FOXP1: variants seen among roughly 807,000 people sequenced by gnomAD.
FOXP1 encodes the protein forkhead box protein P1.
A neutral mutation model predicts 98.2 loss-of-function variants in FOXP1; 15 were observed. That is an observed-to-expected ratio of 0.15 (90% CI 0.10 to 0.24). FOXP1 has a LOEUF of 0.24. FOXP1 is among the 10% of genes least tolerant of loss of function. The probability of loss-of-function intolerance (pLI) is 1.00; values close to 1 mark genes in which losing one functional copy is unlikely to be tolerated. For missense variants in FOXP1, 633 were observed against 848.5 expected (o/e 0.75, Z 3.15); for synonymous variants, 371 against 314.5 (o/e 1.18, Z -1.90).
intron 3 of FOXP1, among the ~76,000 whole-genome samples, chr3:71,397,449 TTTGGA>T (rs1379725084): frequency 6.6e-6 from 1 of 152,236 alleles, no homozygotes; most frequent in African/African-American, 2.4e-5. Flanking sequence ...CCTGCGGTTC[TTTGGA>T]TTGTTCAACA....
At chr3:71,195,895 A>G (rs754331135) in intron 6 of FOXP1, among the ~76,000 whole-genome samples, 3 of 152,252 alleles carry the variant, frequency 2.0e-5, no homozygotes, top group Non-Finnish European at 2.9e-5. Flanking sequence ...AGTCTGGAAG[A>G]AAACTCTGAT....
intron 2 of FOXP1, among the ~76,000 whole-genome samples, chr3:71,518,123 T>C (rs1020597754): frequency 6.6e-6 from 1 of 150,488 alleles, no homozygotes; most frequent in African/African-American, 2.5e-5. Context: ...TTTGACAGTG[T>C]TTTTTTTTGT....
chr3:71,526,322 G>A (rs1233171280), intron 2 of FOXP1, among the ~76,000 whole-genome samples: 1 of 152,118 alleles, frequency 6.6e-6, no homozygotes, highest in African/African-American at 2.4e-5. Flanking sequence ...CCAGAGTTCA[G>A]GCCCAAATCT....
At chr3:71,207,971 G>A (rs1210421054) in intron 5 of FOXP1, among the ~76,000 whole-genome samples, 1 of 152,216 alleles carries the variant, frequency 6.6e-6, no homozygotes, top group East Asian at 1.9e-4. Context: ...CCACAGGTAA[G>A]AGTAAAAACA....
At chr3:71,003,403 T>G (rs1241222731) in intron 12 of FOXP1, among the ~76,000 whole-genome samples, 1 of 152,052 alleles carries the variant, frequency 6.6e-6, no homozygotes, top group East Asian at 1.9e-4. Context: ...AAACCCCTTT[T>G]GGATTCCCTA....
intron 7 of FOXP1, among the ~76,000 whole-genome samples, chr3:71,104,472 T>C (rs1207439276): frequency 6.6e-6 from 1 of 152,204 alleles, no homozygotes; most frequent in East Asian, 1.9e-4. Flanking sequence ...AACAGAACTT[T>C]TGAGTAATGA....
chr3:71,310,464 T>C (rs1354151571), intron 4 of FOXP1, among the ~76,000 whole-genome samples: 2 of 152,212 alleles, frequency 1.3e-5, no homozygotes, highest in Non-Finnish European at 2.9e-5. Flanking sequence ...AGGCAAACTC[T>C]ACTCTTTGCT....
chr3:71,248,567 C>T (rs1360488143), intron 5 of FOXP1, among the ~76,000 whole-genome samples: 1 of 151,992 alleles, frequency 6.6e-6, no homozygotes, highest in Non-Finnish European at 1.5e-5. Flanking sequence ...ATGGTGAAAC[C>T]CTGTCTCTAC....
At chr3:71,328,086 C>T (rs577187876) in intron 4 of FOXP1, among the ~76,000 whole-genome samples, 7 of 152,102 alleles carry the variant, frequency 4.6e-5, no homozygotes, top group South Asian at 2.1e-4. Flanking sequence ...GTTCAAGATA[C>T]GTGATAAGCT....
intron 3 of FOXP1, among the ~76,000 whole-genome samples, chr3:71,385,357 G>A (rs2080488738): frequency 6.6e-6 from 1 of 152,158 alleles, no homozygotes; most frequent in African/African-American, 2.4e-5. Context: ...TTCTGTGGAG[G>A]AATGCATTTT....
intron 11 of FOXP1, among the ~76,000 whole-genome samples, chr3:71,023,529 G>C (rs986433446): frequency 7.9e-5 from 12 of 152,186 alleles, no homozygotes; most frequent in African/African-American, 2.7e-4. Flanking sequence ...CTATTTTAAA[G>C]CTTTCAGATT....
At chr3:71,202,615 G>T (rs2063746042) in intron 5 of FOXP1, among the ~76,000 whole-genome samples, 1 of 152,164 alleles carries the variant, frequency 6.6e-6, no homozygotes, top group African/African-American at 2.4e-5. Flanking sequence ...TCGGTTAAGG[G>T]ATAGATGTAG....
intron 5 of FOXP1, among the ~76,000 whole-genome samples, chr3:71,224,617 T>C (rs1178327640): frequency 1.3e-5 from 2 of 152,154 alleles, no homozygotes; most frequent in Non-Finnish European, 2.9e-5. Context: ...CTTCTAAAAT[T>C]ATCCAGCAAG....
At chr3:71,411,744 C>T (rs1244200338) in intron 3 of FOXP1, among the ~76,000 whole-genome samples, 1 of 152,208 alleles carries the variant, frequency 6.6e-6, no homozygotes. Context: ...GCAGTGCAAA[C>T]AAGCACCACT....
intron 3 of FOXP1, among the ~76,000 whole-genome samples, chr3:71,419,910 G>T (rs1577401654): frequency 6.6e-6 from 1 of 152,056 alleles, no homozygotes; most frequent in South Asian, 2.1e-4. Flanking sequence ...CGCCTCCCAG[G>T]TTCAAGTGAT....
At chr3:71,224,547 C>G (rs1019884755) in intron 5 of FOXP1, among the ~76,000 whole-genome samples, 4 of 152,134 alleles carry the variant, frequency 2.6e-5, no homozygotes, top group Admixed American at 2.0e-4. Context: ...TGTGATCAAA[C>G]GGAGGACTGG....
chr3:71,448,872 T>C (rs2086686925), intron 3 of FOXP1, among the ~76,000 whole-genome samples: 1 of 152,226 alleles, frequency 6.6e-6, no homozygotes, highest in Non-Finnish European at 1.5e-5. Flanking sequence ...GACCTGGGAA[T>C]GCCGGCACAC....
At chr3:70,990,014 C>A (rs1320427460) in intron 13 of FOXP1, among the ~76,000 whole-genome samples, 1 of 152,192 alleles carries the variant, frequency 6.6e-6, no homozygotes, top group Admixed American at 6.5e-5. Flanking sequence ...CTTTCATAAA[C>A]CCTGGAAGTA....
rs189951760 is a variant in FOXP1, at chr3:71,160,030, G to T, written c.180+38172C>A. On this transcript the variant is annotated intron_variant, in intron 6 of 20. Transcript: ENST00000649528. ...TTCTGTTCACTTCCTTCAAGAAGAG[G>T]CATTTACTGCAGAAGGCTCAAGAAC... Among the ~76,000 whole-genome samples the T allele has an allele frequency of 7.2e-3, 1,103 of 152,298 alleles. 15 individuals are homozygous for T. The highest frequency in any genetic ancestry group is 0.022 in the Admixed American group (332 of 15,306).
Sources: allele counts gnomAD v4.1 joint callset (sites outside exome capture counted in the v4.1 genomes callset), GRCh38; gene constraint gnomAD v4.1.1; transcripts MANE v1.5; gene names NCBI Gene and HGNC (gene_info 2026-07-23, HGNC 2026-07-21).